Variants in GALNT18 observed in about 807,000 individuals in gnomAD.
GALNT18 encodes the protein polypeptide N-acetylgalactosaminyltransferase 18, also known as GalNAc-transferase 18.
A neutral mutation model predicts 69.5 loss-of-function variants in GALNT18; 44 were observed. That is an observed-to-expected ratio of 0.63 (90% CI 0.50 to 0.81). The LOEUF (loss-of-function observed/expected upper bound fraction) is 0.81, where lower values mean the gene tolerates loss of function less well. GALNT18 is among the 40% of genes least tolerant of loss of function. The pLI, the probability that GALNT18 is intolerant of heterozygous loss-of-function variation, is 0.00. For missense variants in GALNT18, 715 were observed against 810.0 expected, an observed-to-expected ratio of 0.88 and a Z score of 1.42; for synonymous variants, 364 against 318.2, an observed-to-expected ratio of 1.14 and a Z score of -1.53.
chr11:11,282,269 G>A (rs866594061), intron 10 of GALNT18, among the ~76,000 whole-genome samples: 1 of 152,102 alleles, frequency 6.6e-6, no homozygotes, highest in East Asian at 1.9e-4. Flanking sequence ...GCTCAGCACC[G>A]TGGGAGCAGC....
Position 11,435,055 on chromosome 11 carries a change from T to C in GALNT18, c.429-2268A>G, listed in dbSNP as rs1251735181. On this transcript the variant is annotated intron_variant, in intron 2 of 10. Transcript: ENST00000227756. The surrounding 1 kb of genome is among the most constrained non-coding windows in gnomAD (Gnocchi z 4.4). ...ATAGTACATGAATTCTTCTTTTATA[T>C]AAAGTATAATAGACAGCTCCCAAGA... Among the ~76,000 whole-genome samples, 1 of 152,172 alleles carries C rather than the reference T, an allele frequency of 6.6e-6. No individual in the cohort carries two copies. Among genetic ancestry groups the C allele is most frequent in the Non-Finnish European group, 1.5e-5 (1 of 68,032 alleles).
Position 11,543,659 on chromosome 11 carries a change from C to T in GALNT18, c.235+77700G>A, listed in dbSNP as rs1857976843. On this transcript the variant is annotated intron_variant, in intron 1 of 10. Coordinates refer to ENST00000227756, the MANE Select transcript of GALNT18 (RefSeq NM_198516.3). The surrounding 1 kb of genome is among the most constrained non-coding windows in gnomAD (Gnocchi z 5.1). ...ATCAGAGCCTCTGTTCCTCCCCTCG[C>T]CACCCACTGACCTGATGCGAATCCC... Among the ~76,000 whole-genome samples the T allele has an allele frequency of 6.6e-6, 1 of 152,222 alleles. No homozygotes were observed. The highest frequency in any genetic ancestry group is 2.4e-5 in the African/African-American group (1 of 41,458).
chr11:11,462,053 C>G (rs894058422), intron 1 of GALNT18, among the ~76,000 whole-genome samples: 1 of 152,218 alleles, frequency 6.6e-6, no homozygotes, highest in Non-Finnish European at 1.5e-5. Flanking sequence ...CATCAGACTT[C>G]ACCCAGAGGG....
Position 11,563,893 on chromosome 11 carries a change from AT to A in GALNT18, c.235+57465del, listed in dbSNP as rs1449917486. 2.0e-5 allele frequency among the ~76,000 whole-genome samples: 3 copies of A among 152,366 alleles called. No homozygotes were observed. Among genetic ancestry groups the A allele is most frequent in the African/African-American group, 7.2e-5 (3 of 41,598 alleles). The stretch of plus-strand genomic sequence containing the variant: ...AAATTTTTGCAAAGCTCCCCAAAGC[AT>A]TTTGAGTTCTGAAAGCAAGAAACTG... On this transcript the variant is annotated intron_variant, in intron 1 of 10. Transcript: ENST00000227756. This position sits in a 1 kb window ranked among gnomAD's most constrained non-coding sequence, Gnocchi z 4.6.
At chr11:11,361,920 G>A (rs1325384365) in intron 6 of GALNT18, among the ~76,000 whole-genome samples, 1 of 151,962 alleles carries the variant, frequency 6.6e-6, no homozygotes, top group Non-Finnish European at 1.5e-5. Context: ...TTCACCCTGT[G>A]GACTTACAAA....
intron 1 of GALNT18, among the ~76,000 whole-genome samples, chr11:11,576,146 A>G (rs1220317454): frequency 6.6e-6 from 1 of 152,170 alleles, no homozygotes; most frequent in African/African-American, 2.4e-5. Context: ...TGAAATCCCT[A>G]GGGCATAAGG....
chr11:11,276,310 C>T (rs1848945310), intron 10 of GALNT18, among the ~76,000 whole-genome samples: 1 of 150,126 alleles, frequency 6.7e-6, no homozygotes, highest in South Asian at 2.1e-4. Flanking sequence ...AATGGGTGTT[C>T]ACTCATGATT....
At chr11:11,492,881 G>T (rs1327942829) in intron 1 of GALNT18, among the ~76,000 whole-genome samples, 1 of 151,690 alleles carries the variant, frequency 6.6e-6, no homozygotes, top group Admixed American at 6.6e-5. Context: ...ACCACGTTCT[G>T]CACATGTATC....
chr11:11,462,689 A>G (rs773454775), intron 1 of GALNT18, among the ~76,000 whole-genome samples: 20 of 152,198 alleles, frequency 1.3e-4, no homozygotes, highest in Non-Finnish European at 2.4e-4. Flanking sequence ...TAAGGTGCTC[A>G]GATCACTGAT....
Position 11,293,143 on chromosome 11 carries a change from G to A in GALNT18, c.1563C>T (p.Pro521=). The A allele has an allele frequency of 7.4e-7, 1 of 1,360,346 alleles. No individual in the cohort carries two copies. Among genetic ancestry groups the A allele is most frequent in the South Asian group, 2.2e-5 (1 of 45,344 alleles). The allele number at this position is 1,360,346 out of a possible 1,614,324, so 84.3% of individuals were successfully genotyped here. ...SQQIHVGILS[P]TVDDDDNRCL... is the part of the protein sequence containing the mutation. ...ATCGGTTGTCATCATCATCCACGGT[G>A]GGGCTCAGAATGCCCACATGGATCT... The change falls in exon 10 of 11, where the codon CCC becomes CCT. Residue 521 remains proline (P), a synonymous_variant. Transcript: ENST00000227756.
At chr11:11,473,042 G>A (rs1856308088) in intron 1 of GALNT18, among the ~76,000 whole-genome samples, 1 of 152,048 alleles carries the variant, frequency 6.6e-6, no homozygotes, top group Non-Finnish European at 1.5e-5. Context: ...AGGCAGGGGT[G>A]CCATCCACAG....
At chr11:11,569,880 G>A (rs1194385611) in intron 1 of GALNT18, among the ~76,000 whole-genome samples, 2 of 152,122 alleles carry the variant, frequency 1.3e-5, no homozygotes, top group Non-Finnish European at 2.9e-5. Flanking sequence ...AGAGAGAGAG[G>A]CCAGTCCATG....
Position 11,467,358 on chromosome 11 carries a change from C to A in GALNT18, c.236-18422G>T, listed in dbSNP as rs752267490. Among the ~76,000 whole-genome samples the A allele has an allele frequency of 7.0e-4, 107 of 152,238 alleles. 3 individuals are homozygous for A. The highest frequency in any genetic ancestry group is 1.2e-4 in the Non-Finnish European group (8 of 68,044). Reference sequence around the variant, plus strand: ...CACTGGTTCCGCTGCAGCTGCCACCCCTGCCCCTTCACAGAGCCCTTTCTT... The same window carrying A: ...CACTGGTTCCGCTGCAGCTGCCACCACTGCCCCTTCACAGAGCCCTTTCTT... On this transcript the variant is annotated intron_variant, in intron 1 of 10. Transcript: ENST00000227756.
intron 1 of GALNT18, among the ~76,000 whole-genome samples, chr11:11,515,580 A>C (rs1857256779): frequency 1.3e-5 from 2 of 152,214 alleles, no homozygotes; most frequent in Admixed American, 1.3e-4. Context: ...ACCCACAATG[A>C]TGAGATGAGT....
At chr11:11,271,636 T>G (rs565986053) in intron 10 of GALNT18, among the ~76,000 whole-genome samples, 41 of 152,318 alleles carry the variant, frequency 2.7e-4, no homozygotes, top group African/African-American at 9.6e-4. Flanking sequence ...AAGCCTAGTT[T>G]CTTGGGACGA....
In GALNT18 at chr11:11,332,636, T is replaced by C. The variant is rs892144813; in HGVS notation, c.1416+58A>G. 5.0e-6 allele frequency: 8 copies of C among 1,593,094 alleles called. No individual in the cohort carries two copies. Among genetic ancestry groups the C allele is most frequent in the East Asian group, 2.2e-5 (1 of 44,480 alleles). On this transcript the variant is annotated intron_variant, in intron 8 of 10. Coordinates refer to ENST00000227756, the MANE Select transcript of GALNT18 (RefSeq NM_198516.3). The surrounding 1 kb of genome is among the most constrained non-coding windows in gnomAD (Gnocchi z 4.3). The stretch of plus-strand genomic sequence containing the variant: ...GGCTCTTTCCCTCCTCTCCCTTTCT[T>C]CACTATGTTTCTTTCTGTCTGTGTC...
In GALNT18 at chr11:11,621,767, T is replaced by G; in HGVS notation, c.-174A>C. On this transcript the variant is annotated 5_prime_UTR_variant, in exon 1 of 11. Transcript: ENST00000227756. This position sits in a 1 kb window ranked among gnomAD's most constrained non-coding sequence, Gnocchi z 9.3. ...CCGGTGTAGCCGCCGTGCCCAAGTTTGCAGCTCCTGCCGCTGGCCACCCGG... is the reference window on the plus strand; with the variant it reads ...CCGGTGTAGCCGCCGTGCCCAAGTTGGCAGCTCCTGCCGCTGGCCACCCGG... 1.7e-6 allele frequency: 1 copy of G among 601,562 alleles called. No homozygotes were observed. The highest frequency in any genetic ancestry group is 2.0e-5 in the South Asian group (1 of 49,662). 37.3% of individuals were successfully genotyped at this position (601,562 alleles called of 1,614,324 possible). A position where few individuals can be genotyped will look rare whatever the true frequency, so the allele number is the denominator to read the frequency against.
At chr11:11,370,183 G>T (rs1428028054) in intron 6 of GALNT18, among the ~76,000 whole-genome samples, 1 of 152,152 alleles carries the variant, frequency 6.6e-6, no homozygotes, top group Non-Finnish European at 1.5e-5. Flanking sequence ...TAGTAATTGC[G>T]CAAACAACTT....
chr11:11,372,700 C>T lies in GALNT18; in HGVS notation c.978-71G>A, dbSNP rs925428459. The T allele has an allele frequency of 3.4e-6, 4 of 1,171,184 alleles. No homozygotes were observed. Among genetic ancestry groups the T allele is most frequent in the African/African-American group, 3.0e-5 (2 of 66,304 alleles). The allele number at this position is 1,171,184 out of a possible 1,614,324, so 72.5% of individuals were successfully genotyped here. A position where few individuals can be genotyped will look rare whatever the true frequency, so the allele number is the denominator to read the frequency against. On this transcript the variant is annotated intron_variant, in intron 5 of 10. Transcript: ENST00000227756. The surrounding 1 kb of genome is among the most constrained non-coding windows in gnomAD (Gnocchi z 4.9). ...CGAGGAGTAAGAGCAGTAAGGCCTT[C>T]CTATCAGGAGGGTCTGGTTCTCTTC...
Sources: gnomAD v4.1 joint callset for allele counts (sites outside exome capture counted in the v4.1 genomes callset) on GRCh38, gnomAD v4.1.1 for gene constraint, Gnocchi (gnomAD v3.1) non-coding constraint, MANE v1.5 for transcripts, NCBI Gene and HGNC (gene_info 2026-07-23, HGNC 2026-07-21) for gene names.